The following DOCK4 variants were observed in gnomAD, a reference collection of about 807,000 sequenced individuals.
The protein encoded by DOCK4 is dedicator of cytokinesis 4, also known as dedicator of cytokinesis protein 4.
DOCK4 carries 97 observed loss-of-function variants against 268.1 expected under a neutral mutation model. The ratio of observed to expected loss-of-function variants is 0.36; its 90% CI spans 0.31 to 0.43. DOCK4 has a LOEUF of 0.43. Among genes scored for constraint, DOCK4 ranks in the 20% least tolerant of loss-of-function variants. The pLI is 1.00. For missense variants in DOCK4, 2,145 were observed against 2,455.7 expected (o/e 0.87, Z 2.67); for synonymous variants, 954 against 887.2 (o/e 1.08, Z -1.34).
chr7:111,974,646 G>A (rs1257459816), intron 8 of DOCK4, among the ~76,000 whole-genome samples: 1 of 151,192 alleles, frequency 6.6e-6, no homozygotes, highest in Admixed American at 6.6e-5. Flanking sequence ...AAAGTGGAGG[G>A]AGAGACCAGG....
intron 13 of DOCK4, among the ~76,000 whole-genome samples, chr7:111,909,683 G>A (rs187497177): frequency 1.3e-5 from 2 of 152,286 alleles, no homozygotes; most frequent in Admixed American, 1.3e-4. Context: ...TTAGGGGATG[G>A]GCATGGTGGC....
At chr7:111,864,961 T>C (rs754558531) in intron 22 of DOCK4, among the ~76,000 whole-genome samples, 4 of 152,170 alleles carry the variant, frequency 2.6e-5, no homozygotes, top group Admixed American at 6.5e-5. Flanking sequence ...ACACATATAA[T>C]AGGATGATTA....
At chr7:111,888,642 G>C (rs1808041878) in intron 16 of DOCK4, among the ~76,000 whole-genome samples, 1 of 152,054 alleles carries the variant, frequency 6.6e-6, no homozygotes, top group Non-Finnish European at 1.5e-5. Flanking sequence ...CAGGAAGTTG[G>C]ACAGTCAACC....
At position 111,747,424 on chromosome 7, in the gene DOCK4, T is replaced by G; in HGVS notation, c.4436A>C (p.Glu1479Ala). 4 of 1,602,660 alleles carry G rather than the reference T, an allele frequency of 2.5e-6. No homozygotes were observed. Among genetic ancestry groups the G allele is most frequent in the Non-Finnish European group, 3.4e-6 (4 of 1,174,470 alleles). Residue 1479 changes from glutamate (E) to alanine (A), a missense_variant, in exon 43 of 53, where the codon GAA becomes GCA. Glu to Ala is a moderately radical substitution (Grantham distance 107). This residue lies in a region of DOCK4 where 1,598 missense variants were observed against 1,986.7 expected (regional missense o/e 0.80). Coordinates refer to ENST00000428084, the MANE Select transcript of DOCK4 (RefSeq NM_001363540.2). ...ATTTTCTAGCACTTCAATTGCATTT[T>G]CCAGAGGACTCATTTCTACCTGAGA... ...KREVVEMSPLENAIEVLENKN... is the reference protein window; with the variant it reads ...KREVVEMSPLANAIEVLENKN...
chr7:111,829,244 C>T (rs1299825040), intron 26 of DOCK4, among the ~76,000 whole-genome samples: 3 of 152,256 alleles, frequency 2.0e-5, no homozygotes, highest in East Asian at 1.9e-4. Flanking sequence ...AGAGAGCTGA[C>T]AATTACAATT....
Position 111,784,105 on chromosome 7 carries a change from G to C in DOCK4, c.3420C>G (p.Pro1140=), listed in dbSNP as rs766984709. 1 of 1,579,656 alleles carries C rather than the reference G, an allele frequency of 6.3e-7. No individual in the cohort carries two copies. Among genetic ancestry groups the C allele is most frequent in the East Asian group, 2.3e-5 (1 of 44,424 alleles). Reference sequence around the variant, plus strand: ...TGCAAACAATGTCTTACCTAGGATAGGGACCAAATAGTGGAATTCTAATCC... The same window carrying C: ...TGCAAACAATGTCTTACCTAGGATACGGACCAAATAGTGGAATTCTAATCC... ...LFNSIIPLFG[P]YPSLLKKIER... Residue 1140 remains proline, a synonymous_variant, in exon 33 of 53, where the codon CCC becomes CCG. Coordinates refer to ENST00000428084, the MANE Select transcript of DOCK4 (RefSeq NM_001363540.2).
chr7:111,783,785 T>C lies in DOCK4; in HGVS notation c.3524+72A>G. ...TGATTCACAAGAGTGGAACGTTGAT[T>C]GTATTCTATTTGATTTTCTAACTGG... On this transcript the variant is annotated intron_variant, in intron 34 of 52. Transcript: ENST00000428084. 28 of 1,302,014 alleles carry C rather than the reference T, an allele frequency of 2.2e-5. 1 individual carries two copies. The highest frequency in any genetic ancestry group is 3.0e-5 in the Non-Finnish European group (28 of 921,558). 80.7% of individuals were successfully genotyped at this position (1,302,014 alleles called of 1,614,324 possible).
intron 4 of DOCK4, among the ~76,000 whole-genome samples, chr7:111,996,358 T>C (rs1315174329): frequency 6.6e-6 from 1 of 152,186 alleles, no homozygotes; most frequent in Admixed American, 6.5e-5. Flanking sequence ...CCAAAATCAG[T>C]GTTCAAATAG....
At position 111,760,234 on chromosome 7, in the gene DOCK4, G is replaced by T. The variant is rs1797293597; in HGVS notation, c.4109C>A (p.Ala1370Asp). Residue 1370 changes from alanine (A) to aspartate (D), a missense_variant, in exon 40 of 53, where the codon GCC (alanine) becomes GAC (aspartate). This residue lies in a region of DOCK4 where 1,598 missense variants were observed against 1,986.7 expected (regional missense o/e 0.80). Transcript: ENST00000428084. ...RMLNEFPHAI[A>D]MQHANQPDET... Reference sequence around the variant, plus strand: ...ATCGGGCTGGTTGGCGTGCTGCATGGCGATGGCATGGGGGAACTCGTTCAG... The same window carrying T: ...ATCGGGCTGGTTGGCGTGCTGCATGTCGATGGCATGGGGGAACTCGTTCAG... 6.2e-7 allele frequency: 1 copy of T among 1,613,898 alleles called. No individual in the cohort carries two copies. Among genetic ancestry groups the T allele is most frequent in the Non-Finnish European group, 8.5e-7 (1 of 1,179,902 alleles).
chr7:111,805,158 ATTTC>A (rs1449763054), intron 30 of DOCK4, among the ~76,000 whole-genome samples: 1 of 152,072 alleles, frequency 6.6e-6, no homozygotes, highest in Non-Finnish European at 1.5e-5. Context: ...TTTTGATTTT[ATTTC>A]TATGTTCCCA....
intron 11 of DOCK4, among the ~76,000 whole-genome samples, chr7:111,938,058 T>C (rs1252482269): frequency 6.6e-6 from 1 of 152,220 alleles, no homozygotes; most frequent in Non-Finnish European, 1.5e-5. Flanking sequence ...AAGGGTATCA[T>C]GGATTTAAGC....
chr7:111,840,432 G>A (rs188893469), intron 25 of DOCK4, among the ~76,000 whole-genome samples: 121 of 152,184 alleles, frequency 8.0e-4, no homozygotes, highest in Non-Finnish European at 1.3e-3. Context: ...TCCATTAGTC[G>A]AGAATGCAAG....
chr7:111,910,926 C>T (rs1460251347), intron 13 of DOCK4, among the ~76,000 whole-genome samples: 3 of 152,338 alleles, frequency 2.0e-5, no homozygotes, highest in Non-Finnish European at 2.9e-5. Flanking sequence ...ACCAGGAGAC[C>T]TGTCTGTACA....
intron 25 of DOCK4, among the ~76,000 whole-genome samples, chr7:111,837,384 T>C (rs1803316451): frequency 6.6e-6 from 1 of 152,200 alleles, no homozygotes. Context: ...CTATTCAACA[T>C]TGTACTGAAG....
chr7:111,833,352 G>A (rs754674100), intron 26 of DOCK4, among the ~76,000 whole-genome samples: 5 of 151,908 alleles, frequency 3.3e-5, no homozygotes, highest in Non-Finnish European at 7.4e-5. Flanking sequence ...GACCAGCCTG[G>A]GCAACATAGT....
At chr7:112,027,370 G>A (rs778325339) in intron 1 of DOCK4, among the ~76,000 whole-genome samples, 1 of 152,032 alleles carries the variant, frequency 6.6e-6, no homozygotes, top group South Asian at 2.1e-4. Context: ...GATTACAGGT[G>A]TGCACCACCA....
chr7:112,096,737 GC>G (rs1478773012), intron 1 of DOCK4, among the ~76,000 whole-genome samples: 1 of 152,168 alleles, frequency 6.6e-6, no homozygotes, highest in Non-Finnish European at 1.5e-5. Context: ...ATTTGGTGCT[GC>G]CCAGACCCAA....
chr7:111,823,063 C>G (rs1802115399), intron 26 of DOCK4, among the ~76,000 whole-genome samples: 1 of 152,068 alleles, frequency 6.6e-6, no homozygotes, highest in African/African-American at 2.4e-5. Context: ...GTGAGGAGTG[C>G]TTAGTAGTTA....
At chr7:111,769,713 G>A in intron 36 of DOCK4, 36 bp from the exon 37 acceptor site, 2 of 1,594,570 alleles carry the variant, frequency 1.3e-6, no homozygotes, top group East Asian at 2.3e-5. Context: ...ATTGAGACAG[G>A]ACCCCAAGCC....
Sources: gnomAD v4.1 joint callset for allele counts (sites outside exome capture counted in the v4.1 genomes callset) on GRCh38, gnomAD v4.1.1 for gene constraint, gnomAD v4.1.1 regional missense constraint, MANE v1.5 for transcripts, NCBI Gene and HGNC (gene_info 2026-07-23, HGNC 2026-07-21) for gene names.